Variants in ROBO1 observed in about 807,000 individuals in gnomAD.
ROBO1 encodes roundabout guidance receptor 1.
ROBO1 carries 149 observed loss-of-function variants against 195.9 expected under a neutral mutation model. That is an observed-to-expected ratio of 0.76 (90% confidence interval 0.67 to 0.87). The LOEUF is 0.87. Among genes scored for constraint, ROBO1 ranks in the 40% least tolerant of loss-of-function variants. ROBO1 has a pLI of 0.00. For synonymous variants in ROBO1, 816 were observed against 733.2 expected (o/e 1.11, Z -1.82); for missense variants, 1,933 against 2,068.3 (o/e 0.93, Z 1.27).
At chr3:78,688,067 A>G (rs2081090609) in intron 9 of ROBO1, among the ~76,000 whole-genome samples, 1 of 152,214 alleles carries the variant, frequency 6.6e-6, no homozygotes. Context: ...AAATCTCTGT[A>G]TTTCAGTTTC....
At chr3:78,630,754 C>T (rs1575806301) in intron 25 of ROBO1, among the ~76,000 whole-genome samples, 1 of 152,128 alleles carries the variant, frequency 6.6e-6, no homozygotes, top group African/African-American at 2.4e-5. Flanking sequence ...GTGATAATAT[C>T]TAAGAACAAA....
chr3:78,948,449 T>G (rs1367023237), intron 3 of ROBO1, among the ~76,000 whole-genome samples: 7 of 152,124 alleles, frequency 4.6e-5, no homozygotes, highest in African/African-American at 1.7e-4. Flanking sequence ...AAAAGGCCTT[T>G]GACAAAATTC....
chr3:78,853,462 G>GGGGT (rs1553748365), intron 4 of ROBO1, among the ~76,000 whole-genome samples: 9 of 149,388 alleles, frequency 6.0e-5, no homozygotes, highest in Middle Eastern at 3.6e-3. Flanking sequence ...GTATGTGTGG[G>GGGGT]GTGTGTGTGT....
intron 3 of ROBO1, among the ~76,000 whole-genome samples, chr3:78,962,619 A>G (rs1405507963): frequency 6.6e-6 from 1 of 151,862 alleles, no homozygotes; most frequent in Non-Finnish European, 1.5e-5. Context: ...AGGTCAGGAG[A>G]TCGAGACCAT....
intron 2 of ROBO1, among the ~76,000 whole-genome samples, chr3:79,530,796 CACACACACAT>C (rs1427283881): frequency 2.8e-5 from 4 of 143,118 alleles, no homozygotes; most frequent in African/African-American, 1.1e-4. Context: ...CACACACACA[CACACACACAT>C]CCTTCCCTGG....
chr3:79,619,524 C>T (rs939757630), intron 1 of ROBO1, among the ~76,000 whole-genome samples: 1 of 152,084 alleles, frequency 6.6e-6, no homozygotes, highest in African/African-American at 2.4e-5. Flanking sequence ...CTAGATAACC[C>T]TTCTATTACC....
chr3:78,638,440 A>G (rs1705695328), intron 22 of ROBO1, among the ~76,000 whole-genome samples: 1 of 151,760 alleles, frequency 6.6e-6, no homozygotes, highest in South Asian at 2.1e-4. Flanking sequence ...TTTTGTTATT[A>G]CTGTTGTAGA....
chr3:79,613,598 T>C (rs1305074072), intron 1 of ROBO1, among the ~76,000 whole-genome samples: 2 of 151,920 alleles, frequency 1.3e-5, no homozygotes, highest in East Asian at 3.9e-4. Flanking sequence ...AAGGCAAACA[T>C]GGTCAGATTA....
intron 2 of ROBO1, among the ~76,000 whole-genome samples, chr3:79,508,389 T>C (rs1458637616): frequency 6.6e-6 from 1 of 152,206 alleles, no homozygotes; most frequent in Admixed American, 6.5e-5. Flanking sequence ...TGCCTAAACG[T>C]TGATCTCAAA....
At chr3:79,208,354 T>C (rs1447545449) in intron 2 of ROBO1, among the ~76,000 whole-genome samples, 1 of 152,204 alleles carries the variant, frequency 6.6e-6, no homozygotes, top group African/African-American at 2.4e-5. Context: ...TACTATGCCA[T>C]ATGCATCTGT....
chr3:79,671,427 T>G (rs1946629206), intron 1 of ROBO1, among the ~76,000 whole-genome samples: 2 of 151,926 alleles, frequency 1.3e-5, no homozygotes, highest in East Asian at 3.9e-4. Flanking sequence ...TTCTAAACAC[T>G]CTCATTGAGT....
chr3:79,511,691 C>T lies in ROBO1; in HGVS notation c.88+78133G>A, dbSNP rs1193739389. 5.3e-5 allele frequency among the ~76,000 whole-genome samples: 8 copies of T among 152,180 alleles called. No homozygotes were observed. The East Asian group carries it at 1.4e-3, about 26-fold the overall frequency. On this transcript the variant is annotated intron_variant, in intron 2 of 30. Transcript: ENST00000464233. Reference sequence around the variant, plus strand: ...AACCTAAATGCCCATCAATGATAGACTAAGTAAAGAAAATACTGTACATAA... The same window carrying T: ...AACCTAAATGCCCATCAATGATAGATTAAGTAAAGAAAATACTGTACATAA...
intron 2 of ROBO1, among the ~76,000 whole-genome samples, chr3:79,202,685 C>A (rs574596107): frequency 1.3e-5 from 2 of 151,294 alleles, no homozygotes; most frequent in Admixed American, 6.6e-5. Context: ...GGCCCATATG[C>A]TTTCAAGCTT....
intron 2 of ROBO1, among the ~76,000 whole-genome samples, chr3:79,322,686 G>A (rs1042744861): frequency 6.6e-6 from 1 of 152,136 alleles, no homozygotes; most frequent in Admixed American, 6.6e-5. Flanking sequence ...ATATTGGTTA[G>A]TTTGCCTATC....
chr3:78,848,645 TG>T (rs1452092611), intron 4 of ROBO1, among the ~76,000 whole-genome samples: 1 of 152,004 alleles, frequency 6.6e-6, no homozygotes, highest in Non-Finnish European at 1.5e-5. Context: ...TGAGCCACTG[TG>T]GGAAAAATGA....
intron 1 of ROBO1, among the ~76,000 whole-genome samples, chr3:79,644,326 G>A (rs964165784): frequency 1.7e-4 from 26 of 152,026 alleles, no homozygotes; most frequent in African/African-American, 6.0e-4. Flanking sequence ...CATAGAAAGA[G>A]CAAAGTTAAA....
At chr3:79,082,812 T>C (rs2079298704) in intron 3 of ROBO1, among the ~76,000 whole-genome samples, 1 of 151,988 alleles carries the variant, frequency 6.6e-6, no homozygotes, top group Non-Finnish European at 1.5e-5. Flanking sequence ...ACCTCACTTG[T>C]ATGGTATGGA....
intron 27 of ROBO1, among the ~76,000 whole-genome samples, chr3:78,615,696 C>T (rs1346227707): frequency 6.6e-6 from 1 of 152,154 alleles, no homozygotes; most frequent in Non-Finnish European, 1.5e-5. Flanking sequence ...TACTGTACCA[C>T]AAGAAACTTC....
intron 2 of ROBO1, among the ~76,000 whole-genome samples, chr3:79,151,779 A>G (rs1377102750): frequency 6.6e-6 from 1 of 151,724 alleles, no homozygotes; most frequent in Non-Finnish European, 1.5e-5. Context: ...GGCCAAGCTC[A>G]TCCTTGTCTC....
Sources: allele counts gnomAD v4.1 joint callset (sites outside exome capture counted in the v4.1 genomes callset), GRCh38; gene constraint gnomAD v4.1.1; transcripts MANE v1.5; gene names NCBI Gene and HGNC (gene_info 2026-07-23, HGNC 2026-07-21).